ITSN2: variants seen among roughly 807,000 people sequenced by gnomAD.
ITSN2 encodes the protein intersectin 2, also known as intersectin-2.
ITSN2 carries 156 observed loss-of-function variants against 243.7 expected under a neutral mutation model. The observed-to-expected ratio is 0.64, with a 90% CI of 0.56 to 0.73. ITSN2 has a LOEUF of 0.73. Among genes scored for constraint, ITSN2 ranks in the 30% least tolerant of loss-of-function variants. ITSN2 has a pLI of 0.00. For missense variants in ITSN2, 1,801 were observed against 1,996.1 expected, an observed-to-expected ratio of 0.90 and a Z score of 1.86; for synonymous variants, 703 against 699.9, an observed-to-expected ratio of 1.00 and a Z score of -0.07.
rs1170241134 is a variant in ITSN2 at position 24,303,830 on chromosome 2, T to C, written c.826A>G (p.Asn276Asp). 8 of 1,610,934 alleles carry C rather than the reference T, an allele frequency of 5.0e-6. No homozygotes were observed. The highest frequency in any genetic ancestry group is 1.1e-5 in the South Asian group (1 of 91,024). ...FQARNALLQS[N>D]LSQTQLATIW... ...GTAGCCAGCTGAGTTTGAGAAAGAT[T>C]TGACTGAAGAAGGGCATTTCTAGCT... The change falls in exon 9 of 40, where the codon AAT (asparagine) becomes GAT (aspartate). Residue 276 changes from asparagine (N) to aspartate (D), a missense_variant. This residue lies in a region of ITSN2 where 787 missense variants were observed against 803.9 expected (regional missense o/e 0.98). Transcript: ENST00000355123.
Position 24,284,805 on chromosome 2 carries a change from C to A in ITSN2, c.1902G>T (p.Leu634Phe). ...GGTTGTTGAGACAGCTTAGCAGAGA[C>A]AAAAGGCACTGAAGAACAGAGTCAT... The part of the protein sequence containing the change: ...NMDDSVLQCL[L>F]SLLSCLNNLF... The change falls in exon 17 of 40, where the codon TTG (leucine) becomes TTT (phenylalanine). Residue 634 changes from leucine to phenylalanine, a missense_variant. This residue lies in a region of ITSN2 where 787 missense variants were observed against 803.9 expected (regional missense o/e 0.98). Transcript: ENST00000355123. 6.2e-7 allele frequency: 1 copy of A among 1,604,856 alleles called. No homozygotes were observed. The highest frequency in any genetic ancestry group is 2.2e-5 in the East Asian group (1 of 44,608).
chr2:24,215,289 G>A (rs1360206406), intron 32 of ITSN2, among the ~76,000 whole-genome samples: 1 of 152,144 alleles, frequency 6.6e-6, no homozygotes, highest in Admixed American at 6.5e-5. Flanking sequence ...TATCGTCTTT[G>A]TTTCCTACTC....
At chr2:24,251,713 G>A (rs1260665527) in intron 25 of ITSN2, among the ~76,000 whole-genome samples, 1 of 150,106 alleles carries the variant, frequency 6.7e-6, no homozygotes, top group Non-Finnish European at 1.5e-5. Flanking sequence ...AAATACGGCT[G>A]TTTTTCATAA....
intron 1 of ITSN2, among the ~76,000 whole-genome samples, chr2:24,359,687 T>G (rs1463102488): frequency 2.0e-5 from 3 of 152,080 alleles, no homozygotes; most frequent in Non-Finnish European, 4.4e-5. Context: ...AGATTACATC[T>G]CTCGGTGCTT....
At chr2:24,352,854 A>T (rs1351883168) in intron 1 of ITSN2, among the ~76,000 whole-genome samples, 3 of 152,220 alleles carry the variant, frequency 2.0e-5, no homozygotes, top group African/African-American at 4.8e-5. Flanking sequence ...CTCAGCCTGC[A>T]TTCCTATAAG....
chr2:24,216,591 A>T (rs1669974935), intron 31 of ITSN2, among the ~76,000 whole-genome samples: 1 of 152,084 alleles, frequency 6.6e-6, no homozygotes, highest in Admixed American at 6.6e-5. Context: ...CCCTGTCTCT[A>T]CAAAAATGAA....
chr2:24,263,224 A>C (rs1676143210), intron 20 of ITSN2, among the ~76,000 whole-genome samples: 1 of 152,032 alleles, frequency 6.6e-6, no homozygotes, highest in Non-Finnish European at 1.5e-5. Flanking sequence ...TCTCTCTTCC[A>C]TTTGTCCGTG....
intron 1 of ITSN2, among the ~76,000 whole-genome samples, chr2:24,351,885 C>T (rs954368645): frequency 4.6e-5 from 7 of 152,018 alleles, no homozygotes; most frequent in Admixed American, 3.3e-4. Flanking sequence ...TTCGGATATG[C>T]CAAGGAGAAG....
At chr2:24,217,062 T>C (rs1670029759) in intron 31 of ITSN2, among the ~76,000 whole-genome samples, 2 of 126,584 alleles carry the variant, frequency 1.6e-5, no homozygotes, top group African/African-American at 3.1e-5. Context: ...CTAGCCTGGG[T>C]GAGAGAGCGA....
intron 20 of ITSN2, among the ~76,000 whole-genome samples, chr2:24,262,179 CCTCT>C (rs1286307235): frequency 6.6e-6 from 1 of 151,966 alleles, no homozygotes; most frequent in African/African-American, 2.4e-5. Flanking sequence ...TGAAGATTGA[CCTCT>C]CTTTCACTGT....
At position 24,359,651 on chromosome 2, in the gene ITSN2, C is replaced by G. The variant is rs1470082353; in HGVS notation, c.-34+653G>C. ...GTCTTTAAAAATAAATAAATAAATACACAAATAAACTTTATCTGGCCTGAG... is the reference window on the plus strand; with the variant it reads ...GTCTTTAAAAATAAATAAATAAATAGACAAATAAACTTTATCTGGCCTGAG... On this transcript the variant is annotated intron_variant, in intron 1 of 39. Transcript: ENST00000355123. 4.5e-4 allele frequency among the ~76,000 whole-genome samples: 69 copies of G among 152,088 alleles called. 1 individual carries two copies. Among genetic ancestry groups the G allele is most frequent in the Non-Finnish European group, 1.3e-4 (9 of 68,012 alleles).
chr2:24,309,380 G>A (rs976777548), intron 7 of ITSN2, among the ~76,000 whole-genome samples: 3 of 152,130 alleles, frequency 2.0e-5, no homozygotes, highest in Non-Finnish European at 4.4e-5. Flanking sequence ...CGCATTTTTA[G>A]TAGAGACAGG....
In ITSN2 at chr2:24,204,449, G is replaced by A; in HGVS notation, c.4763-31C>T. ...CAAAAACAAACCACAGACACATGTG[G>A]TGCATGCAGGTAAAACGAAGCGACT... On this transcript the variant is annotated intron_variant, in intron 38 of 39. Transcript: ENST00000355123. This position sits in a 1 kb window ranked among gnomAD's most constrained non-coding sequence, Gnocchi z 5.1. 1 of 1,609,302 alleles carries A rather than the reference G, an allele frequency of 6.2e-7. No individual in the cohort carries two copies.
At chr2:24,295,370 G>A (rs146983785) in intron 14 of ITSN2, among the ~76,000 whole-genome samples, 21 of 152,298 alleles carry the variant, frequency 1.4e-4, no homozygotes, top group African/African-American at 3.8e-4. Context: ...ACAGTGGTGC[G>A]ATCTGGGTTC....
chr2:24,243,874 A>T (rs1278290069), intron 29 of ITSN2, among the ~76,000 whole-genome samples: 1 of 152,220 alleles, frequency 6.6e-6, no homozygotes, highest in Non-Finnish European at 1.5e-5. Flanking sequence ...AAATTAAATT[A>T]AAAATTGAGT....
intron 30 of ITSN2, chr2:24,220,589 A>T: frequency 9.0e-7 from 1 of 1,114,416 alleles, no homozygotes; most frequent in Non-Finnish European, 1.1e-6. Context: ...GCAAATATCC[A>T]AGGAAGCTAC....
chr2:24,218,104 A>C, intron 30 of ITSN2, 91 bp from the exon 31 acceptor site: 1 of 768,836 alleles, frequency 1.3e-6, no homozygotes, highest in South Asian at 1.6e-5. Context: ...CATAAACTGA[A>C]ACTAATCAGA....
intron 32 of ITSN2, among the ~76,000 whole-genome samples, chr2:24,213,428 A>G (rs984626554): frequency 2.0e-5 from 3 of 152,132 alleles, no homozygotes; most frequent in Non-Finnish European, 2.9e-5. Flanking sequence ...GCTTTTAATG[A>G]CTGAAAAGTA....
chr2:24,342,170 T>C (rs563502298), intron 1 of ITSN2, among the ~76,000 whole-genome samples: 1 of 152,074 alleles, frequency 6.6e-6, no homozygotes. Context: ...ATTGAGAAGG[T>C]ACAGATTTTC....
Sources: allele counts gnomAD v4.1 joint callset (sites outside exome capture counted in the v4.1 genomes callset), GRCh38; gene constraint gnomAD v4.1.1; regional missense constraint gnomAD v4.1.1; non-coding constraint Gnocchi (gnomAD v3.1); transcripts MANE v1.5; gene names NCBI Gene and HGNC (gene_info 2026-07-23, HGNC 2026-07-21).